Variants in KCNQ3 observed in about 807,000 individuals in gnomAD.
KCNQ3 encodes the protein potassium voltage-gated channel subfamily KQT member 3.
In KCNQ3, 30 loss-of-function variants were observed where a neutral mutation model predicts 92.5. The ratio of observed to expected loss-of-function variants is 0.32; its 90% CI spans 0.24 to 0.44. The LOEUF (loss-of-function observed/expected upper bound fraction) is 0.44, where lower values mean the gene tolerates loss of function less well. Ranked by LOEUF, KCNQ3 falls within the 20% of genes least tolerant of loss-of-function variation. The pLI, the probability that KCNQ3 is intolerant of heterozygous loss-of-function variation, is 1.00. For synonymous variants in KCNQ3, 450 were observed against 468.8 expected (o/e 0.96, Z 0.52); for missense variants, 913 against 1,140.3 (o/e 0.80, Z 2.87).
intron 1 of KCNQ3, among the ~76,000 whole-genome samples, chr8:132,359,388 C>T (rs914603855): frequency 2.0e-5 from 3 of 152,162 alleles, no homozygotes; most frequent in African/African-American, 7.2e-5. Context: ...CTCTCATAGG[C>T]TTATCATTCC....
intron 1 of KCNQ3, among the ~76,000 whole-genome samples, chr8:132,216,204 T>C (rs932509013): frequency 6.6e-6 from 1 of 152,096 alleles, no homozygotes; most frequent in African/African-American, 2.4e-5. Context: ...ACAACAATGA[T>C]GACAACAGCA....
intron 2 of KCNQ3, among the ~76,000 whole-genome samples, chr8:132,185,036 C>T (rs1161848000): frequency 6.6e-6 from 1 of 152,224 alleles, no homozygotes; most frequent in African/African-American, 2.4e-5. Context: ...GACACCAACA[C>T]CTCTGCCTCT....
chr8:132,140,107 G>T lies in KCNQ3; in HGVS notation c.1537C>A (p.Pro513Thr). Reference protein sequence around the residue: ...GNDFPIEDMIPTLKAAIRAVR... With the variant: ...GNDFPIEDMITTLKAAIRAVR... ...GCTCGGATGGCGGCCTTCAGGGTGG[G>T]GATCATGTCTTCGATGGGGAAGTCA... The change falls in exon 11 of 15, where the codon CCC becomes ACC. Residue 513 changes from proline (P) to threonine (T), a missense_variant. This residue lies in a region of KCNQ3 where 182 missense variants were observed against 234.5 expected (regional missense o/e 0.78). Coordinates refer to ENST00000388996, the MANE Select transcript of KCNQ3 (RefSeq NM_004519.4). 6.2e-7 allele frequency: 1 copy of T among 1,609,394 alleles called. No individual in the cohort carries two copies. Among genetic ancestry groups the T allele is most frequent in the South Asian group, 1.1e-5 (1 of 90,236 alleles).
intron 1 of KCNQ3, among the ~76,000 whole-genome samples, chr8:132,316,949 G>T (rs1256450708): frequency 1.3e-5 from 2 of 152,104 alleles, no homozygotes; most frequent in Non-Finnish European, 2.9e-5. Flanking sequence ...CTGGACAGGG[G>T]CTGCTGGAAA....
intron 1 of KCNQ3, among the ~76,000 whole-genome samples, chr8:132,296,413 A>G (rs548986225): frequency 6.6e-5 from 10 of 152,164 alleles, no homozygotes; most frequent in Admixed American, 4.6e-4. Context: ...ATTATACTTT[A>G]ACTTTTAGGG....
At chr8:132,431,001 C>T (rs1015581911) in intron 1 of KCNQ3, among the ~76,000 whole-genome samples, 4 of 152,162 alleles carry the variant, frequency 2.6e-5, no homozygotes, top group African/African-American at 2.4e-5. Context: ...CCCAAGAATA[C>T]GCTGGACAAT....
intron 1 of KCNQ3, chr8:132,447,366 T>C: frequency 1.1e-6 from 1 of 873,048 alleles, no homozygotes; most frequent in Non-Finnish European, 1.8e-6. Flanking sequence ...TAAAGGTTTC[T>C]AGGACACAGA....
At chr8:132,190,300 C>G (rs1280488552) in intron 1 of KCNQ3, among the ~76,000 whole-genome samples, 3 of 152,128 alleles carry the variant, frequency 2.0e-5, no homozygotes, top group African/African-American at 7.2e-5. Flanking sequence ...CAAGCAGAAC[C>G]TGTGACTTGC....
intron 1 of KCNQ3, among the ~76,000 whole-genome samples, chr8:132,409,233 A>G (rs1200338062): frequency 6.6e-6 from 1 of 152,006 alleles, no homozygotes; most frequent in Non-Finnish European, 1.5e-5. Context: ...AGTTTTTCCT[A>G]TTCATCTCTA....
intron 1 of KCNQ3, among the ~76,000 whole-genome samples, chr8:132,326,287 G>A (rs1401229801): frequency 6.6e-6 from 1 of 152,184 alleles, no homozygotes; most frequent in East Asian, 1.9e-4. Context: ...TCCTGTGCCT[G>A]GAAGTCATCG....
chr8:132,452,853 G>A (rs1452625439), intron 1 of KCNQ3, among the ~76,000 whole-genome samples: 1 of 152,200 alleles, frequency 6.6e-6, no homozygotes, highest in African/African-American at 2.4e-5. Flanking sequence ...GCCCCAAGCT[G>A]GGAGCTGGGG....
At chr8:132,438,680 T>C (rs1821456953) in intron 1 of KCNQ3, among the ~76,000 whole-genome samples, 1 of 151,948 alleles carries the variant, frequency 6.6e-6, no homozygotes, top group African/African-American at 2.4e-5. Context: ...GTGGCGCTCA[T>C]GGAGAAAAAC....
intron 1 of KCNQ3, among the ~76,000 whole-genome samples, chr8:132,289,224 C>T (rs567497429): frequency 7.7e-4 from 117 of 152,300 alleles, no homozygotes; most frequent in African/African-American, 2.6e-3. Flanking sequence ...AAGCTTTGAG[C>T]ATCATTGTAT....
intron 9 of KCNQ3, among the ~76,000 whole-genome samples, chr8:132,145,492 A>G (rs1299718712): frequency 6.6e-6 from 1 of 152,244 alleles, no homozygotes; most frequent in African/African-American, 2.4e-5. Flanking sequence ...TTTCATCTGT[A>G]AAATGAAGCT....
At chr8:132,177,850 C>T (rs1261643711) in intron 4 of KCNQ3, among the ~76,000 whole-genome samples, 1 of 152,318 alleles carries the variant, frequency 6.6e-6, no homozygotes, top group East Asian at 1.9e-4. Context: ...GAAGAGCTTC[C>T]TCCCAGCTCT....
chr8:132,413,765 C>T (rs567563832), intron 1 of KCNQ3, among the ~76,000 whole-genome samples: 8 of 152,318 alleles, frequency 5.3e-5, no homozygotes, highest in East Asian at 1.9e-4. Context: ...GCAGATTCAC[C>T]GCATCCATTT....
chr8:132,246,297 A>G (rs1486404301), intron 1 of KCNQ3, among the ~76,000 whole-genome samples: 2 of 152,248 alleles, frequency 1.3e-5, no homozygotes, highest in East Asian at 3.8e-4. Flanking sequence ...TATTTCCAAT[A>G]AACCATTTCC....
intron 1 of KCNQ3, among the ~76,000 whole-genome samples, chr8:132,367,017 A>G (rs886427781): frequency 3.3e-5 from 5 of 152,252 alleles, no homozygotes; most frequent in Non-Finnish European, 7.3e-5. Flanking sequence ...ACATCTTAAA[A>G]AATGAGCAAG....
At chr8:132,457,997 G>C (rs1300264114) in intron 1 of KCNQ3, among the ~76,000 whole-genome samples, 1 of 152,142 alleles carries the variant, frequency 6.6e-6, no homozygotes, top group Non-Finnish European at 1.5e-5. Flanking sequence ...CTCCTGTCCA[G>C]ACGATGAGGT....
Sources: allele counts gnomAD v4.1 joint callset (sites outside exome capture counted in the v4.1 genomes callset), GRCh38; gene constraint gnomAD v4.1.1; regional missense constraint gnomAD v4.1.1; transcripts MANE v1.5; gene names NCBI Gene and HGNC (gene_info 2026-07-23, HGNC 2026-07-21).